The following CNTNAP2 variants were observed in gnomAD, a reference collection of about 807,000 sequenced individuals.
CNTNAP2 encodes contactin associated protein 2, also known as contactin-associated protein-like 2.
Under a neutral mutation model 155.2 loss-of-function variants are expected in CNTNAP2, and 98 were observed. That is an observed-to-expected ratio of 0.63 (90% confidence interval 0.54 to 0.75). CNTNAP2 has a LOEUF of 0.75. CNTNAP2 is among the 30% of genes least tolerant of loss of function. CNTNAP2 has a pLI of 0.00. For missense variants in CNTNAP2, 1,727 were observed against 1,688.1 expected (o/e 1.02, Z -0.40); for synonymous variants, 651 against 631.2 (o/e 1.03, Z -0.47).
chr7:147,312,002 T>G (rs1795136422), intron 9 of CNTNAP2, among the ~76,000 whole-genome samples: 1 of 152,092 alleles, frequency 6.6e-6, no homozygotes, highest in Non-Finnish European at 1.5e-5. Flanking sequence ...CTCTTTTAAC[T>G]AAAAAGTTAA....
At chr7:148,006,585 C>T (rs946114024) in intron 15 of CNTNAP2, among the ~76,000 whole-genome samples, 4 of 147,622 alleles carry the variant, frequency 2.7e-5, no homozygotes, top group Non-Finnish European at 4.4e-5. Context: ...TTCCAAAGTG[C>T]TGGGATTACA....
chr7:147,793,848 T>A (rs1242786945), intron 13 of CNTNAP2, among the ~76,000 whole-genome samples: 1 of 152,186 alleles, frequency 6.6e-6, no homozygotes, highest in African/African-American at 2.4e-5. Flanking sequence ...TTCAACAATG[T>A]TTGACAGTTT....
chr7:147,589,309 A>G (rs112824501), intron 12 of CNTNAP2, among the ~76,000 whole-genome samples: 3 of 152,318 alleles, frequency 2.0e-5, no homozygotes, highest in African/African-American at 7.2e-5. Flanking sequence ...ACAAAGTTCG[A>G]CTGATTATAA....
At chr7:146,543,100 G>A (rs1288610903) in intron 1 of CNTNAP2, among the ~76,000 whole-genome samples, 3 of 151,700 alleles carry the variant, frequency 2.0e-5, no homozygotes, top group Non-Finnish European at 4.4e-5. Flanking sequence ...GTCAGATAAT[G>A]CAATGTTAAT....
intron 4 of CNTNAP2, among the ~76,000 whole-genome samples, chr7:147,046,707 A>C (rs895122881): frequency 3.3e-5 from 5 of 152,234 alleles, no homozygotes; most frequent in South Asian, 4.1e-4. Context: ...GGAGTTCCTG[A>C]TGCTTACAAA....
At chr7:147,430,891 C>T (rs969148819) in intron 10 of CNTNAP2, among the ~76,000 whole-genome samples, 1 of 151,718 alleles carries the variant, frequency 6.6e-6, no homozygotes, top group African/African-American at 2.4e-5. Flanking sequence ...AGTGAGACAC[C>T]GTCTCTACTG....
intron 17 of CNTNAP2, among the ~76,000 whole-genome samples, chr7:148,167,747 C>T (rs145466303): frequency 2.0e-5 from 3 of 152,122 alleles, no homozygotes; most frequent in Non-Finnish European, 4.4e-5. Flanking sequence ...AGCCACACAA[C>T]TGAGTAGAAA....
chr7:147,410,157 C>A (rs1797079398), intron 10 of CNTNAP2, among the ~76,000 whole-genome samples: 1 of 152,080 alleles, frequency 6.6e-6, no homozygotes, highest in Admixed American at 6.6e-5. Flanking sequence ...AACCTAAATG[C>A]CCATCAGTGA....
At chr7:148,406,008 A>G (rs996289943) in intron 22 of CNTNAP2, among the ~76,000 whole-genome samples, 1 of 152,062 alleles carries the variant, frequency 6.6e-6, no homozygotes, top group Non-Finnish European at 1.5e-5. Flanking sequence ...CAAGACCGGC[A>G]GATCACGAGG....
intron 1 of CNTNAP2, among the ~76,000 whole-genome samples, chr7:146,338,518 T>A (rs1297326639): frequency 6.6e-6 from 1 of 151,426 alleles, no homozygotes; most frequent in Non-Finnish European, 1.5e-5. Flanking sequence ...AATAGAGGAG[T>A]TTTCTGGTGT....
At chr7:147,157,103 C>T (rs1292073777) in intron 8 of CNTNAP2, among the ~76,000 whole-genome samples, 1 of 152,036 alleles carries the variant, frequency 6.6e-6, no homozygotes, top group Non-Finnish European at 1.5e-5. Flanking sequence ...TCAAGAAACT[C>T]AGCAGGAGTG....
intron 16 of CNTNAP2, among the ~76,000 whole-genome samples, chr7:148,129,768 G>A (rs909088952): frequency 2.6e-5 from 4 of 152,196 alleles, no homozygotes; most frequent in African/African-American, 9.7e-5. Flanking sequence ...TTAAGGTCTC[G>A]TCTACCATGA....
intron 4 of CNTNAP2, among the ~76,000 whole-genome samples, chr7:147,083,950 TTATATATAGCATTA>T (rs924061552): frequency 2.1e-5 from 2 of 94,786 alleles, no homozygotes; most frequent in Non-Finnish European, 4.7e-5. Context: ...TTATATAGCA[TTATATATAGCATTA>T]TATATGTGTA....
intron 3 of CNTNAP2, among the ~76,000 whole-genome samples, chr7:146,897,767 A>G (rs1388038849): frequency 1.3e-5 from 2 of 152,088 alleles, no homozygotes; most frequent in Non-Finnish European, 2.9e-5. Context: ...AATTGACCAT[A>G]GTTAAATTTT....
rs1563081262 is a variant in CNTNAP2 at position 148,416,536 on chromosome 7, T to TATTTTCTTTTA, written c.*920_*921insATTTTCTTTTA. 1.5e-3 allele frequency: 1 copy of TATTTTCTTTTA among 658 alleles called. No homozygotes were observed. The highest frequency in any genetic ancestry group is 3.9e-3 in the African/African-American group (1 of 254). 0.0% of individuals were successfully genotyped at this position (658 alleles called of 1,614,324 possible). A position where few individuals can be genotyped will look rare whatever the true frequency, so the allele number is the denominator to read the frequency against. ...TTGTTTGCTCTTTTTCTTTTATAGT[T>TATTTTCTTTTA]TAGTTATAGCAAAAATATGGATAAT... On this transcript the variant is annotated 3_prime_UTR_variant, in exon 24 of 24. Coordinates refer to ENST00000361727, the MANE Select transcript of CNTNAP2 (RefSeq NM_014141.6).
chr7:147,101,399 C>T (rs1013418150), intron 4 of CNTNAP2, among the ~76,000 whole-genome samples: 2 of 152,142 alleles, frequency 1.3e-5, no homozygotes, highest in African/African-American at 4.8e-5. Context: ...TGAGCTGGAG[C>T]GAGCGCTTTT....
intron 14 of CNTNAP2, among the ~76,000 whole-genome samples, chr7:147,922,920 T>C (rs1448898750): frequency 6.6e-6 from 1 of 152,132 alleles, no homozygotes; most frequent in African/African-American, 2.4e-5. Flanking sequence ...GAACATTTTT[T>C]AAAAACACTC....
At chr7:146,154,836 G>A (rs1798100727) in intron 1 of CNTNAP2, among the ~76,000 whole-genome samples, 1 of 152,106 alleles carries the variant, frequency 6.6e-6, no homozygotes, top group Non-Finnish European at 1.5e-5. Context: ...GAAGAACCTG[G>A]GAAGAGGGTA....
At chr7:146,474,363 C>A (rs1176410673) in intron 1 of CNTNAP2, among the ~76,000 whole-genome samples, 2 of 149,930 alleles carry the variant, frequency 1.3e-5, no homozygotes, top group Non-Finnish European at 3.0e-5. Context: ...ATTTTGAGAA[C>A]ATTTGCCAGA....
Sources: allele counts gnomAD v4.1 joint callset (sites outside exome capture counted in the v4.1 genomes callset), GRCh38; gene constraint gnomAD v4.1.1; transcripts MANE v1.5; gene names NCBI Gene and HGNC (gene_info 2026-07-23, HGNC 2026-07-21).